Variants in PCDH15 observed in about 807,000 individuals in gnomAD.
PCDH15 encodes protocadherin-15.
PCDH15 carries 129 observed loss-of-function variants against 178.5 expected under a neutral mutation model. The ratio of observed to expected loss-of-function variants is 0.72; its 90% CI spans 0.63 to 0.84. PCDH15 has a LOEUF of 0.84. Among genes scored for constraint, PCDH15 ranks in the 40% least tolerant of loss-of-function variants. The probability of loss-of-function intolerance (pLI) is 0.00; values close to 1 mark genes in which losing one functional copy is unlikely to be tolerated. For missense variants in PCDH15, 2,230 were observed against 2,099.9 expected (o/e 1.06, Z -1.21); for synonymous variants, 800 against 732.0 (o/e 1.09, Z -1.50).
intron 1 of PCDH15, among the ~76,000 whole-genome samples, chr10:54,692,536 A>C (rs1339133215): frequency 2.0e-5 from 3 of 152,172 alleles, no homozygotes; most frequent in African/African-American, 7.2e-5. Flanking sequence ...GTTCTCTCTG[A>C]TTGAGCCTTC....
At chr10:54,379,486 G>A (rs527276290) in intron 3 of PCDH15, among the ~76,000 whole-genome samples, 40 of 152,064 alleles carry the variant, frequency 2.6e-4, no homozygotes, top group Admixed American at 6.6e-4. Context: ...GTGCAGAAAT[G>A]GAATAGAAGC....
intron 18 of PCDH15, among the ~76,000 whole-genome samples, chr10:54,063,460 T>C (rs990610783): frequency 7.2e-5 from 11 of 152,208 alleles, no homozygotes; most frequent in African/African-American, 2.7e-4. Context: ...TACCTTGTTT[T>C]CTTGGTGTAG....
chr10:54,591,879 A>C (rs2091910455), intron 2 of PCDH15, among the ~76,000 whole-genome samples: 1 of 152,168 alleles, frequency 6.6e-6, no homozygotes, highest in Non-Finnish European at 1.5e-5. Context: ...GATAAAAAGT[A>C]ATATGTCTCA....
chr10:54,094,574 C>G lies in PCDH15; in HGVS notation c.1918-4511G>C, dbSNP rs535113772. On this transcript the variant is annotated intron_variant, in intron 15 of 37. Coordinates refer to ENST00000644397, the MANE Select transcript of PCDH15 (RefSeq NM_001384140.1). Reference sequence around the variant, plus strand: ...CGAGGTTGTCAGGTCTGGAGGCAAGCAGCATGTGGAAGAGGAGCTCCTCAG... The same window carrying G: ...CGAGGTTGTCAGGTCTGGAGGCAAGGAGCATGTGGAAGAGGAGCTCCTCAG... Among the ~76,000 whole-genome samples the G allele has an allele frequency of 2.7e-4, 41 of 152,188 alleles. No individual in the cohort carries two copies. In the South Asian group the frequency reaches 3.7e-3, roughly 14 times the overall value.
intron 11 of PCDH15, among the ~76,000 whole-genome samples, chr10:54,194,406 A>C (rs1366806079): frequency 1.3e-5 from 2 of 152,292 alleles, no homozygotes; most frequent in Non-Finnish European, 2.9e-5. Context: ...GCTGTATAAG[A>C]CTAGTGGCTA....
At chr10:55,217,097 C>T (rs563455793) in intron 1 of PCDH15, among the ~76,000 whole-genome samples, 11 of 151,896 alleles carry the variant, frequency 7.2e-5, no homozygotes, top group Non-Finnish European at 1.5e-4. Context: ...GGTTCCTGAA[C>T]ACAGAACACA....
chr10:54,539,704 C>G (rs1464236378), intron 2 of PCDH15, among the ~76,000 whole-genome samples: 1 of 152,146 alleles, frequency 6.6e-6, no homozygotes, highest in East Asian at 1.9e-4. Context: ...ACAGAATATA[C>G]TCTAAGATCA....
At chr10:54,040,723 A>C (rs1031584394) in intron 18 of PCDH15, among the ~76,000 whole-genome samples, 1 of 151,998 alleles carries the variant, frequency 6.6e-6, no homozygotes, top group Non-Finnish European at 1.5e-5. Context: ...TGCACCATAC[A>C]TTTCAGAGAC....
chr10:53,837,110 G>C (rs1372333425), intron 29 of PCDH15, among the ~76,000 whole-genome samples: 1 of 151,790 alleles, frequency 6.6e-6, no homozygotes, highest in Non-Finnish European at 1.5e-5. Context: ...GGGCGGGGGA[G>C]GGGAGCAGAG....
At chr10:55,071,829 T>C (rs1032712890) in intron 2 of PCDH15, among the ~76,000 whole-genome samples, 17 of 152,106 alleles carry the variant, frequency 1.1e-4, no homozygotes, top group South Asian at 4.1e-4. Flanking sequence ...TATTCCAAAA[T>C]TGACCACATA....
intron 2 of PCDH15, among the ~76,000 whole-genome samples, chr10:54,555,204 C>A (rs1291291627): frequency 1.3e-5 from 2 of 152,104 alleles, no homozygotes; most frequent in African/African-American, 4.8e-5. Flanking sequence ...ACAGACCCTG[C>A]CACACATGCA....
intron 1 of PCDH15, among the ~76,000 whole-genome samples, chr10:55,300,127 A>G (rs767903444): frequency 1.2e-4 from 18 of 152,152 alleles, no homozygotes; most frequent in Non-Finnish European, 1.5e-4. Flanking sequence ...ACTACATTTT[A>G]CCACTTCCAC....
chr10:54,999,691 G>A (rs1175200658), intron 2 of PCDH15, among the ~76,000 whole-genome samples: 1 of 152,206 alleles, frequency 6.6e-6, no homozygotes, highest in African/African-American at 2.4e-5. Flanking sequence ...ACAGTACTGG[G>A]TTGAGCGATA....
chr10:55,389,422 A>G (rs1197275311), intron 2 of PCDH15, among the ~76,000 whole-genome samples: 1 of 152,112 alleles, frequency 6.6e-6, no homozygotes, highest in Non-Finnish European at 1.5e-5. Flanking sequence ...AGTCAGTTTC[A>G]CCATCTAAAC....
chr10:53,821,959 C>T (rs1280711389), intron 32 of PCDH15: 1 of 1,613,796 alleles, frequency 6.2e-7, no homozygotes, highest in Non-Finnish European at 8.5e-7. Context: ...ATATTTGTTA[C>T]TTCTGAAGGG....
chr10:55,169,203 C>G lies in PCDH15; in HGVS notation c.-155-2552G>C, dbSNP rs73263596. Among the ~76,000 whole-genome samples the G allele has an allele frequency of 7.9e-3, 1,199 of 152,184 alleles. 21 individuals carry two copies. The highest frequency in any genetic ancestry group is 0.027 in the African/African-American group (1,121 of 41,528). On this transcript the variant is annotated intron_variant, in intron 1 of 5. Transcript: ENST00000458638. ...TTAATTTAAAGCATACAATTTCCCACGGATTGCTTTGGAAATGTGTGGTAT... is the reference window on the plus strand; with the variant it reads ...TTAATTTAAAGCATACAATTTCCCAGGGATTGCTTTGGAAATGTGTGGTAT...
In PCDH15 at chr10:53,940,831, T is replaced by G. The variant is rs372271412; in HGVS notation, c.3232+35A>C. ...ATTAGGCCAAATCTAAGTTTACTGG[T>G]TGATGGTGAGAACACAAACTAAAAG... On this transcript the variant is annotated intron_variant, in intron 24 of 37. Coordinates refer to ENST00000644397, the MANE Select transcript of PCDH15 (RefSeq NM_001384140.1). 1,044 of 1,439,146 alleles carry G rather than the reference T, an allele frequency of 7.3e-4. 2 individuals are homozygous for G. The highest frequency in any genetic ancestry group is 9.9e-4 in the Non-Finnish European group (1,014 of 1,021,520). The allele number at this position is 1,439,146 out of a possible 1,614,324, so 89.1% of individuals were successfully genotyped here. A position where few individuals can be genotyped will look rare whatever the true frequency, so the allele number is the denominator to read the frequency against.
chr10:54,390,597 C>G (rs867520802), intron 3 of PCDH15, among the ~76,000 whole-genome samples: 66 of 152,164 alleles, frequency 4.3e-4, no homozygotes, highest in African/African-American at 1.6e-3. Flanking sequence ...GCCCAGCCAA[C>G]CTATACCTGT....
At chr10:54,352,291 A>G (rs975731612) in intron 5 of PCDH15, among the ~76,000 whole-genome samples, 1 of 152,328 alleles carries the variant, frequency 6.6e-6, no homozygotes, top group South Asian at 2.1e-4. Context: ...AAGAGAAAAC[A>G]TATATTTTTA....
Sources: allele counts gnomAD v4.1 joint callset (sites outside exome capture counted in the v4.1 genomes callset), GRCh38; gene constraint gnomAD v4.1.1; transcripts MANE v1.5; gene names NCBI Gene and HGNC (gene_info 2026-07-23, HGNC 2026-07-21).